The following ARID5B variants were observed in gnomAD, a reference collection of about 807,000 sequenced individuals.
The protein encoded by ARID5B is AT-rich interactive domain-containing protein 5B.
ARID5B carries 13 observed loss-of-function variants against 97.2 expected under a neutral mutation model. The ratio of observed to expected loss-of-function variants is 0.13; its 90% CI spans 0.09 to 0.21. ARID5B has a LOEUF of 0.21. Among genes scored for constraint, ARID5B ranks in the 10% least tolerant of loss-of-function variants. ARID5B has a pLI of 1.00. For missense variants in ARID5B, 1,210 were observed against 1,465.3 expected (o/e 0.83, Z 2.84); for synonymous variants, 556 against 570.3 (o/e 0.97, Z 0.36).
At chr10:61,927,535 G>C (rs1447631144) in intron 2 of ARID5B, among the ~76,000 whole-genome samples, 1 of 152,174 alleles carries the variant, frequency 6.6e-6, no homozygotes, top group Non-Finnish European at 1.5e-5. Flanking sequence ...CACAGGCCTT[G>C]GCTCTTTGGG....
chr10:62,015,686 C>T (rs911873579), intron 4 of ARID5B, among the ~76,000 whole-genome samples: 8 of 152,116 alleles, frequency 5.3e-5, no homozygotes, highest in Non-Finnish European at 7.4e-5. Flanking sequence ...TGCAGTGGCG[C>T]GATCTTGGCT....
chr10:61,931,870 G>A (rs1248929997), intron 2 of ARID5B, among the ~76,000 whole-genome samples: 1 of 152,152 alleles, frequency 6.6e-6, no homozygotes, highest in Non-Finnish European at 1.5e-5. Context: ...TGGCAAGGAT[G>A]GGGAGCAACT....
intron 2 of ARID5B, among the ~76,000 whole-genome samples, chr10:61,915,154 C>T (rs1001016052): frequency 1.3e-5 from 2 of 152,156 alleles, no homozygotes; most frequent in African/African-American, 4.8e-5. Context: ...CCACATAGCG[C>T]CTTTCTCACA....
At chr10:62,034,221 A>G (rs1839532908) in intron 4 of ARID5B, among the ~76,000 whole-genome samples, 1 of 152,244 alleles carries the variant, frequency 6.6e-6, no homozygotes, top group Admixed American at 6.5e-5. Context: ...GCATAGAACA[A>G]ACCTGGGATG....
intron 5 of ARID5B, chr10:62,051,216 C>G (rs1839785279): frequency 6.4e-6 from 4 of 623,182 alleles, no homozygotes; most frequent in Non-Finnish European, 8.6e-6. Flanking sequence ...GATTAGTCAA[C>G]AGAAAGACTT....
intron 3 of ARID5B, among the ~76,000 whole-genome samples, chr10:61,950,986 G>C (rs571821540): frequency 1.3e-5 from 2 of 152,046 alleles, no homozygotes; most frequent in Non-Finnish European, 2.9e-5. Context: ...CTTAATACTC[G>C]GTGGTATTGA....
At chr10:61,968,615 A>G (rs1443376429) in intron 3 of ARID5B, among the ~76,000 whole-genome samples, 1 of 152,168 alleles carries the variant, frequency 6.6e-6, no homozygotes, top group East Asian at 1.9e-4. Context: ...ATATATTGTC[A>G]TATGTTACTA....
At chr10:61,921,541 T>G (rs1844015363) in intron 2 of ARID5B, among the ~76,000 whole-genome samples, 1 of 152,032 alleles carries the variant, frequency 6.6e-6, no homozygotes, top group Non-Finnish European at 1.5e-5. Flanking sequence ...CCCCTCAGAG[T>G]GTAAGGTGTA....
chr10:61,914,821 G>A (rs1378604555), intron 2 of ARID5B, among the ~76,000 whole-genome samples: 1 of 152,176 alleles, frequency 6.6e-6, no homozygotes, highest in African/African-American at 2.4e-5. Flanking sequence ...TACTTTGTAG[G>A]TGATGCAGCT....
At chr10:62,062,003 C>T (rs1181174698) in intron 7 of ARID5B, among the ~76,000 whole-genome samples, 1 of 152,090 alleles carries the variant, frequency 6.6e-6, no homozygotes, top group East Asian at 1.9e-4. Flanking sequence ...TTAAATGTTT[C>T]ATGCTATAGA....
At chr10:62,081,363 G>A (rs1204325071) in intron 8 of ARID5B, among the ~76,000 whole-genome samples, 1 of 152,128 alleles carries the variant, frequency 6.6e-6, no homozygotes, top group African/African-American at 2.4e-5. Context: ...GTAAATAGAT[G>A]GATTCTCGTT....
chr10:61,942,009 T>C (rs538085955), intron 3 of ARID5B, among the ~76,000 whole-genome samples: 1 of 152,230 alleles, frequency 6.6e-6, no homozygotes, highest in Non-Finnish European at 1.5e-5. Context: ...TTCTTTTGTT[T>C]GTTTAATTTT....
rs552443886 is a variant in ARID5B at position 61,957,690 on chromosome 10, T to C, written c.502+17282T>C. 3.4e-3 allele frequency among the ~76,000 whole-genome samples: 517 copies of C among 152,388 alleles called. 1 individual carries two copies. The highest frequency in any genetic ancestry group is 0.01 in the South Asian group (50 of 4,832). The stretch of plus-strand genomic sequence containing the variant: ...ATATATATCTCTCTAATGATTTTTA[T>C]ATAGATGGCATGTTGAAATAATATT... On this transcript the variant is annotated intron_variant, in intron 3 of 9. Transcript: ENST00000279873.
intron 3 of ARID5B, among the ~76,000 whole-genome samples, chr10:61,981,702 A>G (rs1178000998): frequency 2.0e-5 from 3 of 152,174 alleles, no homozygotes. Flanking sequence ...TTACCTGTTC[A>G]GGTGTGTGAG....
At chr10:62,035,850 G>A (rs1839556640) in intron 4 of ARID5B, among the ~76,000 whole-genome samples, 1 of 151,980 alleles carries the variant, frequency 6.6e-6, no homozygotes, top group African/African-American at 2.4e-5. Flanking sequence ...TGGAGACAGA[G>A]TCTCGATCTT....
At chr10:61,932,026 T>C (rs996489630) in intron 2 of ARID5B, among the ~76,000 whole-genome samples, 1 of 152,028 alleles carries the variant, frequency 6.6e-6, no homozygotes, top group African/African-American at 2.4e-5. Flanking sequence ...GAATTGAAAA[T>C]ATGGGTTCAC....
intron 3 of ARID5B, among the ~76,000 whole-genome samples, chr10:61,968,588 C>T (rs1265074919): frequency 6.6e-6 from 1 of 152,170 alleles, no homozygotes; most frequent in South Asian, 2.1e-4. Flanking sequence ...CAGTTCCGTG[C>T]TCTTTTTGGT....
chr10:62,051,161 C>T (rs748675078), intron 5 of ARID5B, 161 bp downstream of exon 5: 13 of 709,484 alleles, frequency 1.8e-5, no homozygotes, highest in Non-Finnish European at 3.0e-5. Context: ...GTTCCTGCCA[C>T]CTCCCTTCCC....
At position 61,948,091 on chromosome 10, in the gene ARID5B, GA is replaced by G. The variant is rs575842649; in HGVS notation, c.502+7690del. Among the ~76,000 whole-genome samples the G allele has an allele frequency of 1.2e-3, 177 of 152,204 alleles. 1 individual carries two copies. The highest frequency in any genetic ancestry group is 9.3e-3 in the Admixed American group (142 of 15,292). On this transcript the variant is annotated intron_variant, in intron 3 of 9. Coordinates refer to ENST00000279873, the MANE Select transcript of ARID5B (RefSeq NM_032199.3). ...ATTTGGAGATGTCAGGGCAGAAGTA[GA>G]AAAAAAGTGAAATTGGAACTTTCTG... is the stretch of plus-strand genomic sequence containing the variant.
Sources: gnomAD v4.1 joint callset for allele counts (sites outside exome capture counted in the v4.1 genomes callset) on GRCh38, gnomAD v4.1.1 for gene constraint, MANE v1.5 for transcripts, NCBI Gene and HGNC (gene_info 2026-07-23, HGNC 2026-07-21) for gene names.